XYLT1: variants seen among roughly 807,000 people sequenced by gnomAD.
XYLT1 encodes beta-D-xylosyltransferase 1.
XYLT1 carries 36 observed loss-of-function variants against 91.3 expected under a neutral mutation model. The observed-to-expected ratio is 0.39, with a 90% confidence interval of 0.30 to 0.52. The LOEUF (loss-of-function observed/expected upper bound fraction) is 0.52, where lower values mean the gene tolerates loss of function less well. XYLT1 is among the 20% of genes least tolerant of loss of function. The pLI is 0.68. For missense variants in XYLT1, 1,242 were observed against 1,284.5 expected, an observed-to-expected ratio of 0.97 and a Z score of 0.51; for synonymous variants, 588 against 532.0, an observed-to-expected ratio of 1.11 and a Z score of -1.45.
At chr16:17,417,650 T>C (rs567294812) in intron 1 of XYLT1, among the ~76,000 whole-genome samples, 1 of 152,320 alleles carries the variant, frequency 6.6e-6, no homozygotes, top group Non-Finnish European at 1.5e-5. Flanking sequence ...CGTAGGCATA[T>C]GCGTCAGATT....
chr16:17,256,452 A>T (rs1596451541), intron 3 of XYLT1, among the ~76,000 whole-genome samples: 1 of 152,078 alleles, frequency 6.6e-6, no homozygotes, highest in South Asian at 2.1e-4. Context: ...GGAGTTCAAG[A>T]CCAGCCTGGC....
At chr16:17,232,928 C>T (rs2033190095) in intron 3 of XYLT1, among the ~76,000 whole-genome samples, 1 of 152,144 alleles carries the variant, frequency 6.6e-6, no homozygotes, top group Non-Finnish European at 1.5e-5. Context: ...GACGTTTTCA[C>T]TGATTGCCCC....
intron 1 of XYLT1, among the ~76,000 whole-genome samples, chr16:17,468,705 G>C (rs2036934843): frequency 6.6e-6 from 1 of 152,044 alleles, no homozygotes; most frequent in Admixed American, 6.6e-5. Context: ...CTCTTCATTT[G>C]TTTCAACAGG....
chr16:17,430,179 T>TGC (rs2141931160), intron 1 of XYLT1, among the ~76,000 whole-genome samples: 1 of 152,140 alleles, frequency 6.6e-6, no homozygotes, highest in South Asian at 2.1e-4. Context: ...TCAAGTGATC[T>TGC]GCCCACTTCA....
At chr16:17,258,749 C>T (rs2033673747) in intron 3 of XYLT1, among the ~76,000 whole-genome samples, 1 of 152,152 alleles carries the variant, frequency 6.6e-6, no homozygotes, top group Admixed American at 6.5e-5. Context: ...TCATCCTTTG[C>T]CATAAAGGCA....
chr16:17,268,922 C>T lies in XYLT1; in HGVS notation c.403-9424G>A, dbSNP rs1333909411. On this transcript the variant is annotated intron_variant, in intron 2 of 11. Transcript: ENST00000261381. Reference sequence around the variant, plus strand: ...TCCTGACTTCAGGTGATCTGCCTGCCTTGGCCTCCCAAAGTGCTGGAATTA... The same window carrying T: ...TCCTGACTTCAGGTGATCTGCCTGCTTTGGCCTCCCAAAGTGCTGGAATTA... Among the ~76,000 whole-genome samples, 4 of 152,078 alleles carry T rather than the reference C, an allele frequency of 2.6e-5. No individual in the cohort carries two copies. In the East Asian group the frequency reaches 7.8e-4, roughly 29 times the overall value.
chr16:17,267,942 T>C (rs1354049360), intron 2 of XYLT1, among the ~76,000 whole-genome samples: 1 of 152,210 alleles, frequency 6.6e-6, no homozygotes, highest in Admixed American at 6.5e-5. Flanking sequence ...ATATTAGGTA[T>C]AATTTATTAA....
chr16:17,162,604 T>C (rs1015424544), intron 5 of XYLT1, among the ~76,000 whole-genome samples: 2 of 152,146 alleles, frequency 1.3e-5, no homozygotes, highest in African/African-American at 2.4e-5. Context: ...AATGAATGTA[T>C]TCCATTTCAA....
At chr16:17,216,920 C>A (rs780741035) in intron 3 of XYLT1, among the ~76,000 whole-genome samples, 1 of 152,212 alleles carries the variant, frequency 6.6e-6, no homozygotes, top group Non-Finnish European at 1.5e-5. Flanking sequence ...CAGCAACGAG[C>A]AGCAATAGTC....
intron 1 of XYLT1, among the ~76,000 whole-genome samples, chr16:17,462,769 G>C (rs1192859971): frequency 2.0e-5 from 3 of 152,172 alleles, no homozygotes; most frequent in Non-Finnish European, 4.4e-5. Context: ...CCCTTGGTTA[G>C]AGAGAGCTGA....
chr16:17,178,053 T>A (rs1217001077), intron 5 of XYLT1, among the ~76,000 whole-genome samples: 3 of 149,940 alleles, frequency 2.0e-5, no homozygotes, highest in Admixed American at 2.0e-4. Context: ...CAGGTATTTA[T>A]CCTGCGTTTA....
intron 3 of XYLT1, among the ~76,000 whole-genome samples, chr16:17,220,889 T>C (rs2032955547): frequency 6.6e-6 from 1 of 152,184 alleles, no homozygotes. Flanking sequence ...CCTTTGCTTG[T>C]TTATGTCCTT....
intron 1 of XYLT1, among the ~76,000 whole-genome samples, chr16:17,399,347 T>C (rs988289687): frequency 1.3e-5 from 2 of 152,012 alleles, no homozygotes; most frequent in Admixed American, 1.3e-4. Flanking sequence ...TCCCCAGAGG[T>C]TCTGGTGCTG....
chr16:17,208,932 G>A (rs879534952), intron 3 of XYLT1, among the ~76,000 whole-genome samples: 8 of 152,088 alleles, frequency 5.3e-5, no homozygotes, highest in South Asian at 2.1e-4. Flanking sequence ...TTGCCATGTC[G>A]GCCAGGCTGG....
chr16:17,125,316 C>T (rs2030220232), intron 10 of XYLT1, among the ~76,000 whole-genome samples: 1 of 152,188 alleles, frequency 6.6e-6, no homozygotes, highest in Admixed American at 6.5e-5. Context: ...CTCTGTCCAT[C>T]CGAGTGGAAG....
chr16:17,448,857 T>C (rs1028034548), intron 1 of XYLT1, among the ~76,000 whole-genome samples: 2 of 152,118 alleles, frequency 1.3e-5, no homozygotes, highest in Non-Finnish European at 1.5e-5. Flanking sequence ...ATTAACTCAT[T>C]TATTTCTCCT....
chr16:17,333,627 G>A (rs535658259), intron 2 of XYLT1, among the ~76,000 whole-genome samples: 8 of 136,898 alleles, frequency 5.8e-5, no homozygotes, highest in African/African-American at 1.7e-4. Flanking sequence ...TCACTCTGCC[G>A]CCCAGGCTGG....
chr16:17,205,959 G>C (rs1007978209), intron 3 of XYLT1, among the ~76,000 whole-genome samples: 1 of 152,170 alleles, frequency 6.6e-6, no homozygotes, highest in African/African-American at 2.4e-5. Context: ...ATGGAAACAA[G>C]GTTGTATGCA....
intron 5 of XYLT1, among the ~76,000 whole-genome samples, chr16:17,180,260 C>T (rs1304868190): frequency 2.0e-5 from 3 of 152,206 alleles, no homozygotes; most frequent in Non-Finnish European, 4.4e-5. Context: ...GGTTGCACCA[C>T]AACCCAGCAA....
Sources: gnomAD v4.1 joint callset for allele counts (sites outside exome capture counted in the v4.1 genomes callset) on GRCh38, gnomAD v4.1.1 for gene constraint, MANE v1.5 for transcripts, NCBI Gene and HGNC (gene_info 2026-07-23, HGNC 2026-07-21) for gene names.